Variants in PDGFD observed in about 807,000 individuals in gnomAD.
The protein encoded by PDGFD is platelet derived growth factor D, also known as platelet-derived growth factor D.
PDGFD carries 30 observed loss-of-function variants against 44.7 expected under a neutral mutation model. The ratio of observed to expected loss-of-function variants is 0.67; its 90% CI spans 0.50 to 0.91. PDGFD has a LOEUF of 0.91. Among genes scored for constraint, PDGFD ranks in the 40% least tolerant of loss-of-function variants. The pLI, the probability that PDGFD is intolerant of heterozygous loss-of-function variation, is 0.00. For missense variants in PDGFD, 445 were observed against 457.8 expected (o/e 0.97, Z 0.25); for synonymous variants, 173 against 168.4 (o/e 1.03, Z -0.21).
intron 4 of PDGFD, among the ~76,000 whole-genome samples, chr11:103,945,308 C>T (rs898267836): frequency 1.3e-5 from 2 of 152,092 alleles, no homozygotes; most frequent in Non-Finnish European, 2.9e-5. Flanking sequence ...CTGTGTGTGT[C>T]TGCTTGATAC....
intron 3 of PDGFD, among the ~76,000 whole-genome samples, chr11:103,995,380 T>A (rs1233348889): frequency 6.6e-6 from 1 of 152,242 alleles, no homozygotes; most frequent in Non-Finnish European, 1.5e-5. Flanking sequence ...ACCCAACGAC[T>A]AAAATTAACT....
rs78452739 is a variant in PDGFD, at chr11:104,043,177, G to A, written c.125-42922C>T. The stretch of plus-strand genomic sequence containing the variant: ...ATATAGAATATGGAGTAGAGGGAAT[G>A]GTTCCTGCTCCCCATTTGAGACACT... On this transcript the variant is annotated intron_variant, in intron 1 of 6. Coordinates refer to ENST00000393158, the MANE Select transcript of PDGFD (RefSeq NM_025208.5). Among the ~76,000 whole-genome samples the A allele has an allele frequency of 2.7e-3, 409 of 152,244 alleles. 1 individual carries two copies. The highest frequency in any genetic ancestry group is 9.2e-3 in the African/African-American group (381 of 41,540).
intron 1 of PDGFD, among the ~76,000 whole-genome samples, chr11:104,015,258 T>C (rs1403384695): frequency 1.3e-5 from 2 of 152,222 alleles, no homozygotes; most frequent in Non-Finnish European, 1.5e-5. Flanking sequence ...TTCTGTGAGA[T>C]TGCTACAAAT....
chr11:104,097,385 G>T (rs1232125791), intron 1 of PDGFD, among the ~76,000 whole-genome samples: 2 of 152,142 alleles, frequency 1.3e-5, no homozygotes, highest in African/African-American at 4.8e-5. Context: ...GCAGTAGTCA[G>T]ATATGAGCAT....
chr11:104,122,326 A>G (rs772444901), intron 1 of PDGFD, among the ~76,000 whole-genome samples: 1 of 152,076 alleles, frequency 6.6e-6, no homozygotes, highest in African/African-American at 2.4e-5. Flanking sequence ...ACTCATCTGC[A>G]TAATAAAAGA....
At chr11:104,134,777 G>A (rs930135381) in intron 1 of PDGFD, among the ~76,000 whole-genome samples, 6 of 152,206 alleles carry the variant, frequency 3.9e-5, no homozygotes, top group Non-Finnish European at 8.8e-5. Context: ...AAACTCTGAA[G>A]CAGAGGTCTA....
chr11:104,037,376 A>T (rs140364909), intron 1 of PDGFD: 2 of 1,614,006 alleles, frequency 1.2e-6, no homozygotes, highest in Non-Finnish European at 1.7e-6. Context: ...GTGCTGATGG[A>T]GCAGCAAAGG....
chr11:104,138,840 A>C (rs113507756), intron 1 of PDGFD, among the ~76,000 whole-genome samples: 10 of 152,162 alleles, frequency 6.6e-5, no homozygotes, highest in African/African-American at 1.9e-4. Flanking sequence ...TGGTTCACTG[A>C]AACCTCCACC....
At chr11:104,114,659 A>G (rs1861605997) in intron 1 of PDGFD, among the ~76,000 whole-genome samples, 1 of 152,006 alleles carries the variant, frequency 6.6e-6, no homozygotes, top group Admixed American at 6.6e-5. Context: ...GATTGGGATT[A>G]CCACTTGAAT....
At chr11:104,005,689 AT>A (rs1259221047) in intron 1 of PDGFD, among the ~76,000 whole-genome samples, 1 of 152,220 alleles carries the variant, frequency 6.6e-6, no homozygotes, top group African/African-American at 2.4e-5. Context: ...CATTGGTATT[AT>A]CCCCACTTTA....
chr11:103,949,804 T>C (rs2134327414), intron 3 of PDGFD, among the ~76,000 whole-genome samples: 1 of 152,288 alleles, frequency 6.6e-6, no homozygotes, highest in South Asian at 2.1e-4. Context: ...TGGTTGTACC[T>C]GGGGAGAAAG....
intron 1 of PDGFD, among the ~76,000 whole-genome samples, chr11:104,137,754 T>A (rs1300968458): frequency 7.7e-6 from 1 of 129,820 alleles, no homozygotes; most frequent in African/African-American, 2.8e-5. Context: ...TTTTTTTTTT[T>A]ACATTCTAAC....
At chr11:103,968,521 C>T (rs1859053473) in intron 3 of PDGFD, among the ~76,000 whole-genome samples, 1 of 152,128 alleles carries the variant, frequency 6.6e-6, no homozygotes, top group Non-Finnish European at 1.5e-5. Flanking sequence ...TATCCTACAC[C>T]TGAATATCAA....
intron 3 of PDGFD, among the ~76,000 whole-genome samples, chr11:103,954,376 G>A (rs1341436679): frequency 1.3e-5 from 2 of 152,132 alleles, no homozygotes; most frequent in African/African-American, 4.8e-5. Flanking sequence ...TTTGCAGACA[G>A]CTGTTCACAG....
intron 3 of PDGFD, among the ~76,000 whole-genome samples, chr11:103,953,170 A>T (rs145062466): frequency 6.6e-6 from 1 of 152,244 alleles, no homozygotes; most frequent in Non-Finnish European, 1.5e-5. Context: ...TACATACAAG[A>T]TGTATATATA....
chr11:104,037,077 A>T (rs773169369), intron 1 of PDGFD: 1 of 1,614,126 alleles, frequency 6.2e-7, no homozygotes, highest in East Asian at 2.2e-5. Context: ...CTCGGGCTCC[A>T]GGGCGTGCCC....
rs1247625804 is a variant in PDGFD, at chr11:104,164,076, C to T, written c.-149G>A. 2.4e-6 allele frequency: 2 copies of T among 819,418 alleles called. No homozygotes were observed. The highest frequency in any genetic ancestry group is 3.1e-5 in the South Asian group (1 of 32,338). The allele number at this position is 819,418 out of a possible 1,614,324, so 50.8% of individuals were successfully genotyped here. Reference sequence around the variant, plus strand: ...TGCTAATCGCCGAGCTCTCCCCAAACTTCCTGCATGCTGAACTTTCCGAGC... The same window carrying T: ...TGCTAATCGCCGAGCTCTCCCCAAATTTCCTGCATGCTGAACTTTCCGAGC... On this transcript the variant is annotated 5_prime_UTR_variant, in exon 1 of 7. Coordinates refer to ENST00000393158, the MANE Select transcript of PDGFD (RefSeq NM_025208.5).
At chr11:103,980,697 TG>T (rs777325915) in intron 3 of PDGFD, among the ~76,000 whole-genome samples, 7 of 152,106 alleles carry the variant, frequency 4.6e-5, no homozygotes, top group Non-Finnish European at 1.0e-4. Flanking sequence ...GAAATTTAAA[TG>T]CCCAATATCA....
chr11:104,036,552 G>A (rs1476027992), intron 1 of PDGFD: 1 of 512,916 alleles, frequency 1.9e-6, no homozygotes, highest in Non-Finnish European at 3.5e-6. Context: ...CATGGGAGTA[G>A]GCATTCTAGG....
Sources: allele counts gnomAD v4.1 joint callset (sites outside exome capture counted in the v4.1 genomes callset), GRCh38; gene constraint gnomAD v4.1.1; transcripts MANE v1.5; gene names NCBI Gene and HGNC (gene_info 2026-07-23, HGNC 2026-07-21).